PCDH15: variants seen among roughly 807,000 people sequenced by gnomAD.
PCDH15 encodes the protein protocadherin-15.
Under a neutral mutation model 178.5 loss-of-function variants are expected in PCDH15, and 129 were observed. That is an observed-to-expected ratio of 0.72 (90% confidence interval 0.63 to 0.84). The LOEUF (loss-of-function observed/expected upper bound fraction) is 0.84. Among genes scored for constraint, PCDH15 ranks in the 40% least tolerant of loss-of-function variants. The probability of loss-of-function intolerance (pLI) is 0.00; values close to 1 mark genes in which losing one functional copy is unlikely to be tolerated. For synonymous variants in PCDH15, 800 were observed against 732.0 expected (o/e 1.09, Z -1.50); for missense variants, 2,230 against 2,099.9 (o/e 1.06, Z -1.21).
chr10:54,583,914 A>T (rs982129042), intron 2 of PCDH15, among the ~76,000 whole-genome samples: 3 of 152,164 alleles, frequency 2.0e-5, no homozygotes, highest in Non-Finnish European at 4.4e-5. Flanking sequence ...TTTATCATTT[A>T]AAATTAAGAT....
intron 3 of PCDH15, among the ~76,000 whole-genome samples, chr10:54,412,238 TTAAA>T (rs1366010724): frequency 6.7e-6 from 1 of 149,326 alleles, no homozygotes; most frequent in Non-Finnish European, 1.5e-5. Flanking sequence ...ATACATCTTC[TTAAA>T]TATATATTTA....
chr10:54,848,078 A>G (rs1953544536), intron 3 of PCDH15, among the ~76,000 whole-genome samples: 1 of 152,174 alleles, frequency 6.6e-6, no homozygotes, highest in Non-Finnish European at 1.5e-5. Flanking sequence ...GGGTTAATGG[A>G]TTAAAAGGTT....
intron 2 of PCDH15, among the ~76,000 whole-genome samples, chr10:54,608,312 A>G (rs1448187239): frequency 6.6e-6 from 1 of 151,914 alleles, no homozygotes; most frequent in Non-Finnish European, 1.5e-5. Context: ...TACCAAAAAA[A>G]AAAAAGAAAA....
intron 7 of PCDH15, among the ~76,000 whole-genome samples, chr10:54,320,922 CA>C (rs1273768035): frequency 6.6e-6 from 1 of 151,756 alleles, no homozygotes; most frequent in Non-Finnish European, 1.5e-5. Context: ...TGTTTTAAAT[CA>C]TTAAGTAATC....
chr10:55,570,138 G>C (rs1022297531), intron 2 of PCDH15, among the ~76,000 whole-genome samples: 1 of 151,936 alleles, frequency 6.6e-6, no homozygotes, highest in Non-Finnish European at 1.5e-5. Context: ...TTTATAAATA[G>C]CTTCTCTTTG....
At chr10:55,508,339 A>G (rs899271016) in intron 2 of PCDH15, among the ~76,000 whole-genome samples, 1 of 151,766 alleles carries the variant, frequency 6.6e-6, no homozygotes, top group African/African-American at 2.4e-5. Flanking sequence ...AAACTAAGAA[A>G]CTAACACAAG....
At chr10:54,705,711 G>A (rs1037372263) in intron 1 of PCDH15, among the ~76,000 whole-genome samples, 3 of 152,024 alleles carry the variant, frequency 2.0e-5, no homozygotes, top group Non-Finnish European at 4.4e-5. Flanking sequence ...AACATTTTAA[G>A]CTTTATCTGA....
chr10:53,964,502 T>C (rs2088777092), intron 21 of PCDH15, among the ~76,000 whole-genome samples: 1 of 134,112 alleles, frequency 7.5e-6, no homozygotes, highest in East Asian at 2.2e-4. Flanking sequence ...ATAAAAATTT[T>C]ATTTATAAAT....
intron 2 of PCDH15, among the ~76,000 whole-genome samples, chr10:55,598,513 AATATATATATATATATATATAT>A (rs61184409): frequency 0.01 from 844 of 83,408 alleles, 22 homozygotes; most frequent in African/African-American, 0.024. Flanking sequence ...AGCAAACCCT[AATATATATATATATATATATAT>A]ATATATATAT....
At chr10:54,092,473 A>C (rs1256840671) in intron 15 of PCDH15, among the ~76,000 whole-genome samples, 3 of 152,154 alleles carry the variant, frequency 2.0e-5, no homozygotes, top group Non-Finnish European at 4.4e-5. Flanking sequence ...ACACACTAAA[A>C]TAAAATGGAA....
rs879700043 is a variant in PCDH15 at position 55,253,229 on chromosome 10, CGT to C, written c.-156+66368_-156+66369del. Among the ~76,000 whole-genome samples the C allele has an allele frequency of 9.4e-3, 1,174 of 125,160 alleles. 16 individuals carry two copies. Among genetic ancestry groups the C allele is most frequent in the African/African-American group, 0.031 (1,076 of 35,240 alleles). The allele number at this position is 125,160 out of a possible 152,430, so 82.1% of individuals were successfully genotyped here. On this transcript the variant is annotated intron_variant, in intron 1 of 5. Coordinates refer to the PCDH15 transcript ENST00000458638. ...TGGAGAAATAGAGAGAGAGTATGTGCGTGTGTGTGTGTGTGTGTGCGTGTGTG... is the reference window on the plus strand; with the variant it reads ...TGGAGAAATAGAGAGAGAGTATGTGCGTGTGTGTGTGTGTGTGCGTGTGTG...
At chr10:54,914,973 C>A (rs1008214169) in intron 2 of PCDH15, among the ~76,000 whole-genome samples, 1 of 152,214 alleles carries the variant, frequency 6.6e-6, no homozygotes, top group Admixed American at 6.5e-5. Flanking sequence ...TTCTTTGTGG[C>A]ATATGCCACT....
intron 2 of PCDH15, among the ~76,000 whole-genome samples, chr10:55,451,446 C>T (rs1284032870): frequency 6.6e-6 from 1 of 151,564 alleles, no homozygotes; most frequent in South Asian, 2.1e-4. Flanking sequence ...TGCAGTGAGC[C>T]GAGATCGCAC....
chr10:54,439,447 G>A (rs1380477171), intron 3 of PCDH15, among the ~76,000 whole-genome samples: 3 of 152,074 alleles, frequency 2.0e-5, no homozygotes, highest in South Asian at 4.2e-4. Context: ...GTTCCATTAC[G>A]GAAAGAGTTT....
At chr10:55,104,106 T>C (rs1340352339) in intron 2 of PCDH15, among the ~76,000 whole-genome samples, 1 of 152,078 alleles carries the variant, frequency 6.6e-6, no homozygotes, top group African/African-American at 2.4e-5. Context: ...AACAATTTCG[T>C]TTGCATAAAA....
At chr10:55,032,086 GA>G (rs1471458576) in intron 2 of PCDH15, among the ~76,000 whole-genome samples, 2 of 152,170 alleles carry the variant, frequency 1.3e-5, no homozygotes, top group Non-Finnish European at 2.9e-5. Flanking sequence ...CAAGGGCTCA[GA>G]AGAGGAGAAC....
intron 2 of PCDH15, among the ~76,000 whole-genome samples, chr10:55,160,485 T>C (rs966987423): frequency 9.9e-5 from 15 of 152,118 alleles, no homozygotes; most frequent in African/African-American, 2.9e-4. Flanking sequence ...ACTTAACACA[T>C]GTGCTATGTC....
rs771251478 is a variant in PCDH15, at chr10:55,607,641, CA to C, written c.-156+19983del. Among the ~76,000 whole-genome samples the C allele has an allele frequency of 1.4e-3, 204 of 147,940 alleles. 2 individuals are homozygous for C. The East Asian group carries it at 0.03, about 22-fold the overall frequency. ...GAAATCATCATTCTCAGTAAACTATCACAAGAACAAAAAACCAAACACCGCA... is the reference window on the plus strand; with the variant it reads ...GAAATCATCATTCTCAGTAAACTATCCAAGAACAAAAAACCAAACACCGCA... On this transcript the variant is annotated intron_variant, in intron 2 of 5. Transcript: ENST00000613346.
intron 2 of PCDH15, among the ~76,000 whole-genome samples, chr10:55,602,725 A>G (rs1843117357): frequency 1.3e-5 from 2 of 152,182 alleles, no homozygotes; most frequent in Non-Finnish European, 2.9e-5. Context: ...ACCCACACCA[A>G]AAACCCATCT....
Sources: allele counts gnomAD v4.1 joint callset (sites outside exome capture counted in the v4.1 genomes callset), GRCh38; gene constraint gnomAD v4.1.1; transcripts MANE v1.5; gene names NCBI Gene and HGNC (gene_info 2026-07-23, HGNC 2026-07-21).